Variants in ZBTB4 observed in about 807,000 individuals in gnomAD.
The protein encoded by ZBTB4 is zinc finger and BTB domain-containing protein 4.
Under a neutral mutation model 59.8 loss-of-function variants are expected in ZBTB4, and 14 were observed. The ratio of observed to expected loss-of-function variants is 0.23; its 90% CI spans 0.15 to 0.37. The LOEUF (loss-of-function observed/expected upper bound fraction) is 0.37, where lower values mean the gene tolerates loss of function less well. Ranked by LOEUF, ZBTB4 falls within the 10% of genes least tolerant of loss-of-function variation. The probability of loss-of-function intolerance (pLI) is 1.00; values close to 1 mark genes in which losing one functional copy is unlikely to be tolerated. For missense variants in ZBTB4, 1,198 were observed against 1,380.8 expected, an observed-to-expected ratio of 0.87 and a Z score of 2.10; for synonymous variants, 587 against 575.2, an observed-to-expected ratio of 1.02 and a Z score of -0.29.
chr17:7,477,305 T>C (rs1015470803), intron 1 of ZBTB4, among the ~76,000 whole-genome samples: 1 of 152,214 alleles, frequency 6.6e-6, no homozygotes, highest in African/African-American at 2.4e-5. Context: ...AGCCCCATTC[T>C]GCAGATGAGG....
rs1415017704 is a variant in ZBTB4, at chr17:7,469,491, G to A, written c.-80-2164C>T. On this transcript the variant is annotated intron_variant, in intron 1 of 3. Transcript: ENST00000380599. ...ACTTTCCCTCTTTAAGGCCGGGCAC[G>A]GTGGCTCATGCCCGTAATCCCAGCA... is the stretch of plus-strand genomic sequence containing the variant. 4.6e-5 allele frequency among the ~76,000 whole-genome samples: 7 copies of A among 150,958 alleles called. No homozygotes were observed. In the East Asian group the frequency reaches 1.0e-3, roughly 22 times the overall value.
rs1487561293 is a variant in ZBTB4 at position 7,459,976 on chromosome 17, CTCTCTTGTGGTT to C, written c.*1952_*1963del. On this transcript the variant is annotated 3_prime_UTR_variant, in exon 4 of 4. Transcript: ENST00000380599. ...CCCCTGCCTCCAGGCCTTCCTCAGT[CTCTCTTGTGGTT>C]CCGCTGTATAGATAGATAGATATAT... 6.6e-6 allele frequency: 1 copy of C among 152,568 alleles called. No homozygotes were observed. The highest frequency in any genetic ancestry group is 2.4e-5 in the African/African-American group (1 of 41,400). 9.5% of individuals were successfully genotyped at this position (152,568 alleles called of 1,614,324 possible).
At position 7,466,150 on chromosome 17, in the gene ZBTB4, C is replaced by A. The variant is rs759112622; in HGVS notation, c.652G>T (p.Ala218Ser). 6.2e-7 allele frequency: 1 copy of A among 1,612,758 alleles called. No individual in the cohort carries two copies. The highest frequency in any genetic ancestry group is 8.5e-7 in the Non-Finnish European group (1 of 1,179,750). ...TGCAAGTCAGGGGCCTGGGCCTCAG[C>A]CCTGTCACCCTCCCACTCCCCAGCT... ...RPAGEWEGDR[A>S]EAQAPDLQCS... The change falls in exon 3 of 4, where the codon GCT becomes TCT. Residue 218 changes from alanine to serine, a missense_variant. By Grantham distance (99) the Ala-to-Ser change is moderately conservative. Transcript: ENST00000380599. The surrounding 1 kb of genome is among the most constrained non-coding windows in gnomAD (Gnocchi z 9.1).
rs1229134029 is a variant in ZBTB4, at chr17:7,463,380, G to A, written c.1602C>T (p.Thr534=). 2 of 1,599,842 alleles carry A rather than the reference G, an allele frequency of 1.3e-6. No individual in the cohort carries two copies. The highest frequency in any genetic ancestry group is 2.2e-5 in the South Asian group (2 of 89,160). The part of the protein sequence containing the change: ...PPPPEPAATP[T]SPATAVSPAT... ...CTGGGCTGACTGCTGTGGCTGGGCT[G>A]GTGGGTGTGGCTGCAGGCTCAGGGG... Residue 534 remains threonine, a synonymous_variant, in exon 4 of 4, where the codon ACC becomes ACT. Coordinates refer to ENST00000380599, the MANE Select transcript of ZBTB4 (RefSeq NM_001128833.2).
In ZBTB4 at chr17:7,463,579, G is replaced by A. The variant is rs780191320; in HGVS notation, c.1403C>T (p.Pro468Leu). The change falls in exon 4 of 4, where the codon CCA becomes CTA. Residue 468 changes from proline to leucine, a missense_variant. Around this residue, in one of 9 missense-constraint regions of ZBTB4, gnomAD observed 550 missense variants for 541.8 expected, o/e 1.02. Transcript: ENST00000380599. ...GTGGGCAAAAGTGATGACAGAGGGT[G>A]GAGGGCCAGGCTCTGGGGCAGGTGG... is the stretch of plus-strand genomic sequence containing the variant. Reference protein sequence around the residue: ...GPPPAPEPGPPPSVITFAHPA... With the variant: ...GPPPAPEPGPLPSVITFAHPA... The A allele has an allele frequency of 6.3e-7, 1 of 1,595,252 alleles. No individual in the cohort carries two copies. The highest frequency in any genetic ancestry group is 8.5e-7 in the Non-Finnish European group (1 of 1,171,240).
upstream of ZBTB4, chr17:7,482,980 G>A (rs766382365): frequency 1.2e-6 from 2 of 1,611,556 alleles, no homozygotes; most frequent in Non-Finnish European, 1.7e-6. Context: ...GCTGTGAGAG[G>A]GAAGGGAAGG....
Position 7,466,095 on chromosome 17 carries a change from C to T in ZBTB4, c.707G>A (p.Cys236Tyr). The T allele has an allele frequency of 1.2e-6, 2 of 1,605,518 alleles. No homozygotes were observed. The highest frequency in any genetic ancestry group is 8.5e-7 in the Non-Finnish European group (1 of 1,175,044). The change falls in exon 3 of 4, where the codon TGC becomes TAC. Residue 236 changes from cysteine to tyrosine, a missense_variant. Around this residue, in one of 9 missense-constraint regions of ZBTB4, gnomAD observed 204 missense variants for 205.5 expected, o/e 0.99. Coordinates refer to ENST00000380599, the MANE Select transcript of ZBTB4 (RefSeq NM_001128833.2). This position sits in a 1 kb window ranked among gnomAD's most constrained non-coding sequence, Gnocchi z 9.1. ...QCSLPRRPLP[C>Y]PQCGKSFIHP... ...GATGAAGCTTTTTCCACACTGGGGGCAGGGGAGGGGCCGCCGGGGCAGGGA... is the reference window on the plus strand; with the variant it reads ...GATGAAGCTTTTTCCACACTGGGGGTAGGGGAGGGGCCGCCGGGGCAGGGA...
intron 1 of ZBTB4, among the ~76,000 whole-genome samples, chr17:7,475,003 C>G (rs560992411): frequency 1.1e-5 from 1 of 87,002 alleles, no homozygotes; most frequent in African/African-American, 4.6e-5. Flanking sequence ...CAGAGTGAGA[C>G]TCTGCCTCAA....
At chr17:7,467,222 T>C in intron 2 of ZBTB4, 35 bp downstream of exon 2, 1 of 1,011,892 alleles carries the variant, frequency 9.9e-7, no homozygotes, top group Non-Finnish European at 1.2e-6. Flanking sequence ...TGGGTCTACT[T>C]TGTCCTCACT....
chr17:7,481,339 AAAAG>A (rs534793998), upstream of ZBTB4: 871 of 1,103,798 alleles, frequency 7.9e-4, no homozygotes, highest in Admixed American at 1.1e-3. Context: ...CGCAAACAAA[AAAAG>A]AAAGAAAGAA....
chr17:7,465,643 C>T, intron 3 of ZBTB4, 68 bp downstream of exon 3: 1 of 1,511,628 alleles, frequency 6.6e-7, no homozygotes, highest in East Asian at 2.4e-5. Flanking sequence ...CCACCCACTG[C>T]CGCCCTTGTT....
At chr17:7,481,972 C>T (rs762388898), upstream of ZBTB4, 18 of 1,573,708 alleles carry the variant, frequency 1.1e-5, no homozygotes, top group Admixed American at 5.4e-5. Flanking sequence ...ACCCTGAGCT[C>T]CTTTCTCCCT....
intron 1 of ZBTB4, among the ~76,000 whole-genome samples, chr17:7,475,928 A>G (rs1342565452): frequency 1.3e-5 from 2 of 152,188 alleles, no homozygotes; most frequent in Non-Finnish European, 2.9e-5. Context: ...AGCTGGTTAC[A>G]TAAACCACCG....
At position 7,459,530 on chromosome 17, in the gene ZBTB4, G is replaced by C. The variant is rs755164520; in HGVS notation, c.*2410C>G. 2.0e-5 allele frequency: 3 copies of C among 152,434 alleles called. No homozygotes were observed. The highest frequency in any genetic ancestry group is 4.4e-5 in the Non-Finnish European group (3 of 68,024). 9.4% of individuals were successfully genotyped at this position (152,434 alleles called of 1,614,324 possible). ...TTTTGCGTGCTGCGGCACAGAACCA[G>C]TGGCCTTCTCACTCTGCCACCACCC... On this transcript the variant is annotated 3_prime_UTR_variant, in exon 4 of 4. Coordinates refer to ENST00000380599, the MANE Select transcript of ZBTB4 (RefSeq NM_001128833.2).
At chr17:7,477,536 C>T (rs1033064988) in intron 1 of ZBTB4, among the ~76,000 whole-genome samples, 3 of 152,190 alleles carry the variant, frequency 2.0e-5, no homozygotes, top group Non-Finnish European at 4.4e-5. Context: ...TGGGGCCGGG[C>T]ACAGTAGACA....
chr17:7,463,020 T>TTCCTCCTCATCCTCCTCC lies in ZBTB4; in HGVS notation c.1944_1961dup (p.Glu649_Glu654dup), dbSNP rs1555553545. The TTCCTCCTCATCCTCCTCC allele has an allele frequency of 1.2e-6, 2 of 1,611,350 alleles. No homozygotes were observed. The highest frequency in any genetic ancestry group is 1.7e-6 in the Non-Finnish European group (2 of 1,179,610). ...GCTGGTCCTCCCCACCAGCCTTTGA[T>TTCCTCCTCATCCTCCTCC]TCCTCCTCATCCTCCTCCTCCTCCT... On this transcript the variant is annotated inframe_insertion, in exon 4 of 4. Transcript: ENST00000380599.
At chr17:7,465,330 G>A (rs976093728) in intron 3 of ZBTB4, among the ~76,000 whole-genome samples, 5 of 151,502 alleles carry the variant, frequency 3.3e-5, no homozygotes, top group African/African-American at 9.7e-5. Flanking sequence ...GCATGGTGGC[G>A]CATGCCTGTA....
At chr17:7,465,580 C>T (rs1296935580) in intron 3 of ZBTB4, 131 bp downstream of exon 3, 51 of 1,415,590 alleles carry the variant, frequency 3.6e-5, no homozygotes, top group Middle Eastern at 2.6e-4. Context: ...AACCACAGTG[C>T]TGGGATTACT....
In ZBTB4 at chr17:7,465,986, GC is replaced by G; in HGVS notation, c.815del (p.Gly272AlafsTer29). 1.2e-6 allele frequency: 2 copies of G among 1,601,878 alleles called. No homozygotes were observed. The highest frequency in any genetic ancestry group is 1.7e-6 in the Non-Finnish European group (2 of 1,171,828). Reference sequence around the variant, plus strand: ...CCCCTGCAGGACCACCAGGGCCAGCGCCCCCAGCTCCCAGCCCTGTAGACCC... The same window carrying G: ...CCCCTGCAGGACCACCAGGGCCAGCGCCCCAGCTCCCAGCCCTGTAGACCC... ...TRGSTGLGAG[G>X]AGPGGPAGVD... On this transcript the variant is annotated frameshift_variant, in exon 3 of 4. Transcript: ENST00000380599. LOFTEE classifies it high-confidence loss of function.
Sources: allele counts gnomAD v4.1 joint callset (sites outside exome capture counted in the v4.1 genomes callset), GRCh38; gene constraint gnomAD v4.1.1; regional missense constraint gnomAD v4.1.1; non-coding constraint Gnocchi (gnomAD v3.1); transcripts MANE v1.5; gene names NCBI Gene and HGNC (gene_info 2026-07-23, HGNC 2026-07-21).